CSMD1: variants seen among roughly 807,000 people sequenced by gnomAD.
CSMD1 encodes the protein CUB and sushi domain-containing protein 1.
A neutral mutation model predicts 417.5 loss-of-function variants in CSMD1; 213 were observed. The observed-to-expected ratio is 0.51, with a 90% CI of 0.46 to 0.57. The LOEUF is 0.57. Among genes scored for constraint, CSMD1 ranks in the 20% least tolerant of loss-of-function variants. The pLI, the probability that CSMD1 is intolerant of heterozygous loss-of-function variation, is 0.00. For synonymous variants in CSMD1, 2,862 were observed against 1,736.8 expected, an observed-to-expected ratio of 1.65 and a Z score of -16.11; for missense variants, 6,923 against 4,529.7, an observed-to-expected ratio of 1.53 and a Z score of -15.17.
intron 10 of CSMD1, among the ~76,000 whole-genome samples, chr8:3,502,288 CCAG>C (rs1563099507): frequency 2.0e-5 from 3 of 147,518 alleles, no homozygotes; most frequent in African/African-American, 7.6e-5. Flanking sequence ...TGACGCGAAC[CCAG>C]GAGGAGGAGC....
intron 12 of CSMD1, among the ~76,000 whole-genome samples, chr8:3,451,773 G>C (rs1025953631): frequency 2.0e-5 from 3 of 152,088 alleles, no homozygotes; most frequent in Admixed American, 1.3e-4. Context: ...TTGTTCTTTT[G>C]GCTTAGGATT....
chr8:4,448,945 G>C (rs556929496), intron 2 of CSMD1, among the ~76,000 whole-genome samples: 1 of 152,286 alleles, frequency 6.6e-6, no homozygotes, highest in African/African-American at 2.4e-5. Context: ...TAAATTACCA[G>C]TGTACCTGTT....
At chr8:3,383,415 T>C (rs1458987812) in intron 18 of CSMD1, among the ~76,000 whole-genome samples, 1 of 151,896 alleles carries the variant, frequency 6.6e-6, no homozygotes, top group Non-Finnish European at 1.5e-5. Flanking sequence ...TCTTCCACAC[T>C]AGAAAAACCT....
At chr8:4,516,789 G>A (rs1485284333) in intron 2 of CSMD1, among the ~76,000 whole-genome samples, 2 of 152,050 alleles carry the variant, frequency 1.3e-5, no homozygotes, top group Non-Finnish European at 2.9e-5. Flanking sequence ...AGTTCTTGTT[G>A]ACCAACCCAG....
chr8:4,084,012 C>G (rs897543906), intron 3 of CSMD1, among the ~76,000 whole-genome samples: 2 of 152,038 alleles, frequency 1.3e-5, no homozygotes, highest in Non-Finnish European at 2.9e-5. Flanking sequence ...AAACAAACAA[C>G]CCCATCAAGA....
intron 3 of CSMD1, among the ~76,000 whole-genome samples, chr8:4,043,109 G>C (rs142656766): frequency 2.0e-5 from 3 of 152,072 alleles, no homozygotes; most frequent in South Asian, 2.1e-4. Flanking sequence ...TTCCAGCCTG[G>C]GTGAGACAGT....
At chr8:3,526,642 C>T (rs914482002) in intron 10 of CSMD1, among the ~76,000 whole-genome samples, 12 of 152,126 alleles carry the variant, frequency 7.9e-5, no homozygotes, top group African/African-American at 1.9e-4. Flanking sequence ...GGTACCTTCC[C>T]GATCGATATT....
intron 26 of CSMD1, among the ~76,000 whole-genome samples, chr8:3,263,050 A>G: frequency 6.6e-6 from 1 of 152,176 alleles, no homozygotes; most frequent in Middle Eastern, 3.2e-3. Context: ...TTGAATTCAT[A>G]TGTCACCTAC....
chr8:4,148,723 C>A (rs1404201727), intron 3 of CSMD1, among the ~76,000 whole-genome samples: 2 of 152,126 alleles, frequency 1.3e-5, no homozygotes, highest in Non-Finnish European at 2.9e-5. Flanking sequence ...GCTCCACTCT[C>A]ATCACCTCCT....
intron 49 of CSMD1, among the ~76,000 whole-genome samples, chr8:3,057,352 G>T (rs941161304): frequency 2.6e-5 from 4 of 152,172 alleles, no homozygotes; most frequent in South Asian, 4.2e-4. Flanking sequence ...TATTTAGTAA[G>T]ATTATAATCA....
chr8:3,715,915 T>A (rs1017348383), intron 6 of CSMD1, among the ~76,000 whole-genome samples: 2 of 152,236 alleles, frequency 1.3e-5, no homozygotes, highest in African/African-American at 2.4e-5. Flanking sequence ...CCTCTGCAGC[T>A]GCTGCAGCCC....
intron 3 of CSMD1, among the ~76,000 whole-genome samples, chr8:4,343,626 T>A (rs923573858): frequency 6.6e-6 from 1 of 152,276 alleles, no homozygotes; most frequent in East Asian, 1.9e-4. Context: ...GCAGACTATG[T>A]GCACTAGAGC....
In CSMD1 at chr8:4,081,328, G is replaced by C. The variant is rs188948405; in HGVS notation, c.416-49229C>G. Among the ~76,000 whole-genome samples the C allele has an allele frequency of 1.8e-3, 270 of 152,292 alleles. 1 individual carries two copies. The highest frequency in any genetic ancestry group is 2.9e-3 in the Non-Finnish European group (196 of 68,028). ...TATGGTCCCCTCCCACGTTGAATAGGTTTGATAGGGTTAAACAACAGGGTA... is the reference window on the plus strand; with the variant it reads ...TATGGTCCCCTCCCACGTTGAATAGCTTTGATAGGGTTAAACAACAGGGTA... On this transcript the variant is annotated intron_variant, in intron 3 of 69. Transcript: ENST00000635120.
chr8:3,830,873 C>G (rs1463049649), intron 5 of CSMD1, among the ~76,000 whole-genome samples: 1 of 152,164 alleles, frequency 6.6e-6, no homozygotes, highest in African/African-American at 2.4e-5. Flanking sequence ...AGTGTGTCTT[C>G]ATCGAGGTTC....
intron 5 of CSMD1, among the ~76,000 whole-genome samples, chr8:3,953,588 G>C (rs144899736): frequency 1.0e-3 from 153 of 152,222 alleles, no homozygotes; most frequent in African/African-American, 3.6e-3. Flanking sequence ...AGCTATTAAA[G>C]TGGGTCACTG....
At chr8:4,028,385 G>C (rs1797172904) in intron 4 of CSMD1, among the ~76,000 whole-genome samples, 1 of 152,086 alleles carries the variant, frequency 6.6e-6, no homozygotes, top group African/African-American at 2.4e-5. Context: ...CTTACAGTAA[G>C]TGGACAATAC....
intron 11 of CSMD1, among the ~76,000 whole-genome samples, chr8:3,488,386 G>C (rs1043558430): frequency 6.6e-6 from 1 of 152,050 alleles, no homozygotes; most frequent in Non-Finnish European, 1.5e-5. Context: ...GGGATTATAG[G>C]CGTATACCAG....
At chr8:4,021,101 A>G in intron 4 of CSMD1, among the ~76,000 whole-genome samples, 1 of 152,336 alleles carries the variant, frequency 6.6e-6, no homozygotes, top group South Asian at 2.1e-4. Flanking sequence ...AGAGGATACA[A>G]CAAGTTTAAA....
Position 3,468,721 on chromosome 8 carries a change from C to G in CSMD1, c.1552G>C (p.Val518Leu), listed in dbSNP as rs1296267645. 6 of 1,598,062 alleles carry G rather than the reference C, an allele frequency of 3.8e-6. No individual in the cohort carries two copies. Among genetic ancestry groups the G allele is most frequent in the Non-Finnish European group, 4.3e-6 (5 of 1,170,898 alleles). The change falls in exon 12 of 70, where the codon GTT (valine) becomes CTT (leucine). Residue 518 changes from valine to leucine, a missense_variant. Transcript: ENST00000635120. The stretch of plus-strand genomic sequence containing the variant: ...TGTAATCTCATCATACCTTGGTAAA[C>G]AGCTTTAAACCCAGGTGAGCCAATG... Reference protein sequence around the residue: ...DSIGSPGFKAVYQEIEKGGCG... With the variant: ...DSIGSPGFKALYQEIEKGGCG...
Sources: allele counts gnomAD v4.1 joint callset (sites outside exome capture counted in the v4.1 genomes callset), GRCh38; gene constraint gnomAD v4.1.1; transcripts MANE v1.5; gene names NCBI Gene and HGNC (gene_info 2026-07-23, HGNC 2026-07-21).